The following DPY19L2 variants were observed in gnomAD, a reference collection of about 807,000 sequenced individuals.
DPY19L2 encodes the protein probable C-mannosyltransferase DPY19L2.
DPY19L2 carries 34 observed loss-of-function variants against 97.9 expected under a neutral mutation model. The ratio of observed to expected loss-of-function variants is 0.35; its 90% CI spans 0.26 to 0.46. The LOEUF (loss-of-function observed/expected upper bound fraction) is 0.46, where lower values mean the gene tolerates loss of function less well. Ranked by LOEUF, DPY19L2 falls within the 20% of genes least tolerant of loss-of-function variation. DPY19L2 has a pLI of 1.00. For missense variants in DPY19L2, 623 were observed against 911.4 expected, an observed-to-expected ratio of 0.68 and a Z score of 4.07; for synonymous variants, 230 against 307.9, an observed-to-expected ratio of 0.75 and a Z score of 2.65.
chr12:63,663,766 T>C lies in DPY19L2; in HGVS notation c.442A>G (p.Thr148Ala), dbSNP rs755657712. 14 of 1,602,760 alleles carry C rather than the reference T, an allele frequency of 8.7e-6. No homozygotes were observed. The highest frequency in any genetic ancestry group is 1.1e-5 in the Non-Finnish European group (13 of 1,177,162). Residue 148 changes from threonine to alanine, a missense_variant, in exon 3 of 22, where the codon ACT (threonine) becomes GCT (alanine). Around this residue, in one of 6 missense-constraint regions of DPY19L2, gnomAD observed 84 missense variants for 125.4 expected, o/e 0.67. Coordinates refer to ENST00000324472, the MANE Select transcript of DPY19L2 (RefSeq NM_173812.5). The part of the protein sequence containing the change: ...SSLEREMTFR[T>A]EMGLYYSYFK... ...AGAAGAAGAAACCTAACCATTTCAG[T>C]GCGAAAAGTCATCTCCCGTTCCAAA... is the stretch of plus-strand genomic sequence containing the variant.
chr12:63,609,252 G>A (rs1025061991), intron 11 of DPY19L2, among the ~76,000 whole-genome samples: 3 of 152,070 alleles, frequency 2.0e-5, no homozygotes, highest in African/African-American at 7.2e-5. Flanking sequence ...GAGGGCAGCA[G>A]AAGAGGCCTT....
intron 16 of DPY19L2, chr12:63,590,913 G>A: frequency 2.8e-6 from 1 of 358,342 alleles, no homozygotes; most frequent in Non-Finnish European, 5.8e-6. Context: ...CATATTCTGA[G>A]TAATTATCTT....
chr12:63,634,441 G>A (rs933836475), intron 6 of DPY19L2, among the ~76,000 whole-genome samples: 5 of 152,054 alleles, frequency 3.3e-5, no homozygotes, highest in African/African-American at 1.2e-4. Flanking sequence ...ATCTCACTGG[G>A]GCTTGTCCAA....
chr12:63,594,924 T>C (rs533802047), intron 15 of DPY19L2, among the ~76,000 whole-genome samples: 2 of 152,242 alleles, frequency 1.3e-5, no homozygotes, highest in East Asian at 3.9e-4. Flanking sequence ...GAGAAAATCT[T>C]CATTCTAAGC....
At chr12:63,653,288 C>T (rs1354735921) in intron 4 of DPY19L2, among the ~76,000 whole-genome samples, 3 of 152,004 alleles carry the variant, frequency 2.0e-5, no homozygotes, top group Non-Finnish European at 4.4e-5. Context: ...AGGCTGGTCC[C>T]GGTGGTTCAT....
chr12:63,577,439 T>G (rs1300445991), intron 19 of DPY19L2, among the ~76,000 whole-genome samples: 1 of 151,956 alleles, frequency 6.6e-6, no homozygotes, highest in African/African-American at 2.4e-5. Context: ...AACAAATGGG[T>G]TCACATCAAG....
intron 21 of DPY19L2, among the ~76,000 whole-genome samples, chr12:63,567,728 G>A (rs1878012218): frequency 1.3e-5 from 2 of 152,084 alleles, no homozygotes; most frequent in Non-Finnish European, 1.5e-5. Flanking sequence ...CTTAGATTTT[G>A]TTGATCTGGA....
intron 4 of DPY19L2, among the ~76,000 whole-genome samples, chr12:63,659,918 G>A (rs1226698531): frequency 6.6e-6 from 1 of 151,920 alleles, no homozygotes; most frequent in Non-Finnish European, 1.5e-5. Context: ...GTTGACAGAA[G>A]AACAAATCCA....
At chr12:63,639,002 T>A (rs1247132011) in intron 6 of DPY19L2, among the ~76,000 whole-genome samples, 3 of 151,976 alleles carry the variant, frequency 2.0e-5, no homozygotes, top group African/African-American at 7.2e-5. Context: ...GTACCAAAAC[T>A]GAGATATAGA....
intron 19 of DPY19L2, among the ~76,000 whole-genome samples, chr12:63,575,987 C>T (rs923958557): frequency 6.6e-6 from 1 of 151,652 alleles, no homozygotes; most frequent in African/African-American, 2.4e-5. Flanking sequence ...AAAGAACCAT[C>T]AAAAAAAGAA....
chr12:63,639,767 T>C (rs1293423342), intron 6 of DPY19L2, among the ~76,000 whole-genome samples: 1 of 152,160 alleles, frequency 6.6e-6, no homozygotes, highest in East Asian at 1.9e-4. Context: ...TGTAAACTAG[T>C]TCAACCACTG....
intron 4 of DPY19L2, among the ~76,000 whole-genome samples, chr12:63,648,671 T>C (rs1480579574): frequency 1.3e-5 from 2 of 151,924 alleles, no homozygotes; most frequent in East Asian, 3.9e-4. Flanking sequence ...CAGATGATCC[T>C]GAAAGCAACA....
intron 4 of DPY19L2, among the ~76,000 whole-genome samples, chr12:63,654,064 T>C (rs1307368727): frequency 1.3e-5 from 2 of 151,948 alleles, no homozygotes; most frequent in East Asian, 1.9e-4. Flanking sequence ...AGACATCTAT[T>C]CTAAAAGTGT....
intron 16 of DPY19L2, among the ~76,000 whole-genome samples, chr12:63,592,833 A>G: frequency 6.6e-6 from 1 of 152,122 alleles, no homozygotes; most frequent in Non-Finnish European, 1.5e-5. Flanking sequence ...AAAAGAAACT[A>G]CCATCAGAGT....
chr12:63,664,587 C>T (rs1913213), intron 2 of DPY19L2, among the ~76,000 whole-genome samples: 20,512 of 149,082 alleles, frequency 0.14, 1,535 homozygotes, highest in East Asian at 0.28. Flanking sequence ...TATAATATCA[C>T]ATAAAGGATA....
intron 6 of DPY19L2, among the ~76,000 whole-genome samples, chr12:63,628,734 G>A (rs1330535050): frequency 1.3e-5 from 2 of 151,448 alleles, no homozygotes; most frequent in African/African-American, 2.4e-5. Flanking sequence ...CTCCCAGCAC[G>A]CAGCTGGAGA....
intron 1 of DPY19L2, among the ~76,000 whole-genome samples, chr12:63,667,080 G>C (rs1296077960): frequency 2.6e-5 from 4 of 152,016 alleles, no homozygotes; most frequent in Non-Finnish European, 4.4e-5. Context: ...ACCAGGATAG[G>C]CAAAGTATGG....
chr12:63,560,426 T>G lies in DPY19L2; in HGVS notation c.*86A>C. The G allele has an allele frequency of 7.1e-7, 1 of 1,417,200 alleles. No individual in the cohort carries two copies. Among genetic ancestry groups the G allele is most frequent in the Non-Finnish European group, 9.4e-7 (1 of 1,066,194 alleles). 87.8% of individuals were successfully genotyped at this position (1,417,200 alleles called of 1,614,324 possible). ...TTTTTAAGTGTCTGTTATTAAAGCTTGTGATTTTTATTAATGTGAATAAGC... is the reference window on the plus strand; with the variant it reads ...TTTTTAAGTGTCTGTTATTAAAGCTGGTGATTTTTATTAATGTGAATAAGC... On this transcript the variant is annotated 3_prime_UTR_variant, in exon 22 of 22. Transcript: ENST00000324472.
At chr12:63,610,831 ATGAATATAGC>A (rs1886819571) in intron 11 of DPY19L2, among the ~76,000 whole-genome samples, 2 of 126,474 alleles carry the variant, frequency 1.6e-5, no homozygotes, top group Non-Finnish European at 3.3e-5. Flanking sequence ...AGTACCTCTG[ATGAATATAGC>A]AAAAAAAAAA....
Sources: gnomAD v4.1 joint callset for allele counts (sites outside exome capture counted in the v4.1 genomes callset) on GRCh38, gnomAD v4.1.1 for gene constraint, gnomAD v4.1.1 regional missense constraint, MANE v1.5 for transcripts, NCBI Gene and HGNC (gene_info 2026-07-23, HGNC 2026-07-21) for gene names.